Variants in GARNL3 observed in about 807,000 individuals in gnomAD.
GARNL3 encodes GTPase activating Rap/RanGAP domain like 3.
Under a neutral mutation model 125.0 loss-of-function variants are expected in GARNL3, and 63 were observed. The ratio of observed to expected loss-of-function variants is 0.50; its 90% CI spans 0.41 to 0.62. The LOEUF (loss-of-function observed/expected upper bound fraction) is 0.62. Among genes scored for constraint, GARNL3 ranks in the 20% least tolerant of loss-of-function variants. GARNL3 has a pLI of 0.00. For missense variants in GARNL3, 994 were observed against 1,244.0 expected (o/e 0.80, Z 3.02); for synonymous variants, 439 against 457.5 (o/e 0.96, Z 0.52).
At chr9:127,291,037 A>G in intron 1 of GARNL3, 131 bp from the exon 2 acceptor site, 2 of 858,232 alleles carry the variant, frequency 2.3e-6, no homozygotes, top group South Asian at 1.7e-5. Context: ...ATAGAGCTTT[A>G]AAAAAACTGT....
At position 127,345,467 on chromosome 9, in the gene GARNL3, G is replaced by A; in HGVS notation, c.1421G>A (p.Cys474Tyr). The A allele has an allele frequency of 6.3e-7, 1 of 1,599,092 alleles. No individual in the cohort carries two copies. Among genetic ancestry groups the A allele is most frequent in the Admixed American group, 1.7e-5 (1 of 57,930 alleles). ...APSSLAASGI[C>Y]KKEPWEPQCF... ...TCAAGCTTGGCAGCTTCAGGGATCT[G>A]TAAAAAAGAGGTGAGTTCATGATAC... Residue 474 changes from cysteine to tyrosine, a missense_variant, in exon 16 of 28, where the codon TGT (cysteine) becomes TAT (tyrosine). This residue lies in a region of GARNL3 where 728 missense variants were observed against 865.7 expected (regional missense o/e 0.84). Coordinates refer to ENST00000373387, the MANE Select transcript of GARNL3 (RefSeq NM_032293.5).
intron 21 of GARNL3, among the ~76,000 whole-genome samples, chr9:127,357,851 A>G (rs1028903377): frequency 6.6e-6 from 1 of 152,110 alleles, no homozygotes; most frequent in Non-Finnish European, 1.5e-5. Context: ...AGCATTTGTT[A>G]GATGATTTGT....
chr9:127,305,194 A>G (rs2064916847), intron 2 of GARNL3, among the ~76,000 whole-genome samples: 1 of 152,060 alleles, frequency 6.6e-6, no homozygotes, highest in African/African-American at 2.4e-5. Context: ...ATATTGATCT[A>G]GGTAATGGTT....
intron 27 of GARNL3, 27 bp from the exon 28 acceptor site, chr9:127,393,056 C>T (rs1364728189): frequency 2.6e-6 from 4 of 1,562,324 alleles, no homozygotes; most frequent in Non-Finnish European, 3.5e-6. Context: ...TCCCAAAGAT[C>T]CTCTTACAGT....
intron 22 of GARNL3, among the ~76,000 whole-genome samples, chr9:127,370,603 C>T (rs1247724813): frequency 1.3e-5 from 2 of 152,204 alleles, no homozygotes; most frequent in African/African-American, 4.8e-5. Context: ...ATATCAGAGG[C>T]AGATCTATCC....
intron 24 of GARNL3, among the ~76,000 whole-genome samples, chr9:127,386,665 A>G (rs1588980965): frequency 6.6e-6 from 1 of 150,784 alleles, no homozygotes; most frequent in African/African-American, 2.4e-5. Context: ...ATTTCTAATC[A>G]TGTGTGTTTA....
rs370568150 is a variant in GARNL3 at position 127,332,254 on chromosome 9, C to T, written c.595-20C>T. On this transcript the variant is annotated intron_variant, in intron 7 of 27. Transcript: ENST00000373387. ...TGTGATGATAAAATTAACTGTAACA[C>T]CTTTTGTTATTATCCTAAGGGCTCT... 10 of 1,589,684 alleles carry T rather than the reference C, an allele frequency of 6.3e-6. No homozygotes were observed. In the African/African-American group the frequency reaches 6.7e-5, roughly 11 times the overall value.
intron 7 of GARNL3, among the ~76,000 whole-genome samples, chr9:127,329,551 A>G (rs1368712914): frequency 6.6e-6 from 1 of 152,142 alleles, no homozygotes. Flanking sequence ...CACCTGAAGC[A>G]GAAGAGGTCC....
Position 127,264,842 on chromosome 9 carries a change from C to T in GARNL3, c.-36C>T. 1.3e-6 allele frequency: 2 copies of T among 1,498,602 alleles called. No individual in the cohort carries two copies. The highest frequency in any genetic ancestry group is 1.8e-4 in the Middle Eastern group (1 of 5,668). The allele number at this position is 1,498,602 out of a possible 1,614,324, so 92.8% of individuals were successfully genotyped here. A position where few individuals can be genotyped will look rare whatever the true frequency, so the allele number is the denominator to read the frequency against. ...GCTCCCCTGCAGTGAGGAGCCGGGG[C>T]ACTGCAAGTCTGTTCCATAGCAGCC... On this transcript the variant is annotated 5_prime_UTR_variant, in exon 1 of 28. Coordinates refer to ENST00000373387, the MANE Select transcript of GARNL3 (RefSeq NM_032293.5).
rs74584360 is a variant in GARNL3 at position 127,381,400 on chromosome 9, G to A, written c.2162-2038G>A. Among the ~76,000 whole-genome samples the A allele has an allele frequency of 5.5e-3, 828 of 151,666 alleles. 19 individuals carry two copies. In the East Asian group the frequency reaches 0.059, roughly 11 times the overall value. On this transcript the variant is annotated intron_variant, in intron 22 of 27. Coordinates refer to ENST00000373387, the MANE Select transcript of GARNL3 (RefSeq NM_032293.5). ...TTTTTTTTTCAGAAATTAGAAATGT[G>A]ATTCTAAAATGTAGGTGGGGACATT...
intron 2 of GARNL3, among the ~76,000 whole-genome samples, chr9:127,301,200 T>G (rs745372644): frequency 9.2e-5 from 14 of 152,172 alleles, no homozygotes; most frequent in Admixed American, 8.5e-4. Flanking sequence ...ACATGTGAGG[T>G]TGTTATTGAA....
intron 2 of GARNL3, among the ~76,000 whole-genome samples, chr9:127,257,305 G>C (rs1444307250): frequency 6.6e-6 from 1 of 152,164 alleles, no homozygotes; most frequent in African/African-American, 2.4e-5. Flanking sequence ...CAGTTGCTGG[G>C]TCACATGATA....
intron 22 of GARNL3, among the ~76,000 whole-genome samples, chr9:127,368,069 A>G (rs1253080013): frequency 7.8e-5 from 9 of 115,662 alleles, no homozygotes; most frequent in African/African-American, 3.1e-4. Flanking sequence ...AGGCTGGAGT[A>G]TGGTGGTGTG....
intron 2 of GARNL3, among the ~76,000 whole-genome samples, chr9:127,256,874 T>C (rs2063503852): frequency 6.6e-6 from 1 of 152,216 alleles, no homozygotes; most frequent in African/African-American, 2.4e-5. Context: ...TGCAGTTTTA[T>C]TACATGTGTA....
intron 17 of GARNL3, chr9:127,353,546 A>C: frequency 4.0e-6 from 1 of 250,800 alleles, no homozygotes; most frequent in East Asian, 1.3e-4. Flanking sequence ...ATTGGTATTG[A>C]GAGATGTTGC....
chr9:127,388,914 A>G lies in GARNL3; in HGVS notation c.2538A>G (p.Gln846=), dbSNP rs761994278. 5 of 1,597,294 alleles carry G rather than the reference A, an allele frequency of 3.1e-6. No homozygotes were observed. The highest frequency in any genetic ancestry group is 2.2e-5 in the East Asian group (1 of 44,842). Residue 846 remains glutamine (Q), a synonymous_variant, in exon 26 of 28, where the codon CAA becomes CAG. Transcript: ENST00000373387. ...FPSSLGEGEI[Q]SKNLYKIPLR... ...GAAATCACATTTCAGGTGAAATTCA[A>G]TCAAAAAATCTGTACAAGATTCCAC...
At chr9:127,326,591 C>T (rs1330559453) in intron 7 of GARNL3, among the ~76,000 whole-genome samples, 1 of 152,060 alleles carries the variant, frequency 6.6e-6, no homozygotes, top group Admixed American at 6.6e-5. Flanking sequence ...TATAATACAC[C>T]TAATATATAA....
At chr9:127,366,810 G>T (rs191334016) in intron 22 of GARNL3, 1 of 152,246 alleles carries the variant, frequency 6.6e-6, no homozygotes, top group East Asian at 1.9e-4. Flanking sequence ...CTCACTCAGC[G>T]GCTCCTGCCT....
At chr9:127,350,604 C>T (rs1272384935) in intron 17 of GARNL3, among the ~76,000 whole-genome samples, 2 of 151,794 alleles carry the variant, frequency 1.3e-5, no homozygotes, top group African/African-American at 4.8e-5. Context: ...GAAACCCTGT[C>T]TCTAACTAAA....
Sources: allele counts gnomAD v4.1 joint callset (sites outside exome capture counted in the v4.1 genomes callset), GRCh38; gene constraint gnomAD v4.1.1; regional missense constraint gnomAD v4.1.1; transcripts MANE v1.5; gene names NCBI Gene and HGNC (gene_info 2026-07-23, HGNC 2026-07-21).